Variants in ABLIM3 observed in about 807,000 individuals in gnomAD.
ABLIM3 encodes the protein actin-binding LIM protein 3.
A neutral mutation model predicts 109.5 loss-of-function variants in ABLIM3; 61 were observed. The ratio of observed to expected loss-of-function variants is 0.56; its 90% confidence interval spans 0.45 to 0.69. ABLIM3 has a LOEUF of 0.69. ABLIM3 is among the 30% of genes least tolerant of loss of function. The probability of loss-of-function intolerance (pLI) is 0.00; values close to 1 mark genes in which losing one functional copy is unlikely to be tolerated. For missense variants in ABLIM3, 796 were observed against 889.5 expected, an observed-to-expected ratio of 0.89 and a Z score of 1.34; for synonymous variants, 300 against 324.8, an observed-to-expected ratio of 0.92 and a Z score of 0.82.
intron 2 of ABLIM3, among the ~76,000 whole-genome samples, chr5:149,175,106 A>G (rs1169713449): frequency 6.6e-6 from 1 of 152,252 alleles, no homozygotes; most frequent in Non-Finnish European, 1.5e-5. Context: ...AGTGGAAAAA[A>G]TGCCCAGACT....
intron 2 of ABLIM3, among the ~76,000 whole-genome samples, chr5:149,167,881 G>A (rs1190108193): frequency 6.6e-6 from 1 of 152,220 alleles, no homozygotes; most frequent in Non-Finnish European, 1.5e-5. Context: ...AAGGGCCTTT[G>A]ACCTGAGATC....
chr5:149,183,698 T>C, intron 3 of ABLIM3, 109 bp downstream of exon 3: 8 of 1,245,864 alleles, frequency 6.4e-6, no homozygotes, highest in Non-Finnish European at 8.4e-6. Context: ...GGAATATCTA[T>C]AAAGACCTAA....
chr5:149,198,286 C>T lies in ABLIM3; in HGVS notation c.219C>T (p.Asp73=). ...ACCAGGAGTACATCTGCACCCAGGA[C>T]TACCAGCAACTCTATGGCACCCGCT... ...FKNQEYICTQ[D]YQQLYGTRCD... is the part of the protein sequence containing the mutation. The change falls in exon 4 of 24, where the codon GAC becomes GAT. Residue 73 remains aspartate (D), a synonymous_variant. Transcript: ENST00000309868. This position sits in a 1 kb window ranked among gnomAD's most constrained non-coding sequence, Gnocchi z 4.2. 2 of 1,614,242 alleles carry T rather than the reference C, an allele frequency of 1.2e-6. No homozygotes were observed. Among genetic ancestry groups the T allele is most frequent in the South Asian group, 1.1e-5 (1 of 91,086 alleles).
chr5:149,248,005 T>C (rs1753557192), intron 18 of ABLIM3, 76 bp downstream of exon 18: 1 of 1,530,408 alleles, frequency 6.5e-7, no homozygotes, highest in Non-Finnish European at 8.8e-7. Flanking sequence ...AGCTGTTTGC[T>C]CTGAGCCAGG....
At chr5:149,151,371 C>T (rs1235125439) in intron 2 of ABLIM3, among the ~76,000 whole-genome samples, 1 of 152,178 alleles carries the variant, frequency 6.6e-6, no homozygotes, top group Non-Finnish European at 1.5e-5. Flanking sequence ...TTCTGAGGTA[C>T]TGAGGGGTAG....
At chr5:149,229,192 G>A (rs1761600678) in intron 8 of ABLIM3, among the ~76,000 whole-genome samples, 1 of 152,210 alleles carries the variant, frequency 6.6e-6, no homozygotes, top group Admixed American at 6.5e-5. Context: ...GACACACCCT[G>A]TGATTGCTGG....
At chr5:149,255,774 T>C (rs183646629) in intron 23 of ABLIM3, among the ~76,000 whole-genome samples, 50 of 152,208 alleles carry the variant, frequency 3.3e-4, no homozygotes, top group East Asian at 2.3e-3. Flanking sequence ...GAGGAGAAGA[T>C]GAAGTCCAAG....
intron 3 of ABLIM3, among the ~76,000 whole-genome samples, chr5:149,184,876 A>C (rs1243170608): frequency 2.0e-5 from 3 of 152,196 alleles, no homozygotes; most frequent in Non-Finnish European, 4.4e-5. Context: ...AATTACATAT[A>C]CATATTTCCT....
rs939973890 is a variant in ABLIM3, at chr5:149,250,485, C to G, written c.1768C>G (p.Arg590Gly). 1.4e-5 allele frequency: 22 copies of G among 1,614,056 alleles called. No individual in the cohort carries two copies. The highest frequency in any genetic ancestry group is 1.9e-5 in the Non-Finnish European group (22 of 1,180,042). The part of the protein sequence containing the change: ...ISKSASLPAY[R>G]RNGLHRTPSA... ...CAAATCTGCCTCCCTGCCTGCCTAC[C>G]GAAGAAATGGGCTGCACAGGGTAAG... Residue 590 changes from arginine to glycine, a missense_variant, in exon 20 of 24, where the codon CGA becomes GGA. By Grantham distance (125) the Arg-to-Gly change is moderately radical. Transcript: ENST00000309868.
intron 8 of ABLIM3, chr5:149,217,797 A>G (rs183434870): frequency 6.6e-6 from 1 of 152,364 alleles, no homozygotes; most frequent in African/African-American, 2.4e-5. Context: ...AGCCTTGAAC[A>G]TACCCGACAC....
chr5:149,236,720 G>C (rs1318804587), intron 10 of ABLIM3, among the ~76,000 whole-genome samples: 1 of 152,176 alleles, frequency 6.6e-6, no homozygotes. Context: ...CCCATCCCGA[G>C]AAGACAGGAG....
At chr5:149,255,322 G>A (rs1030087503) in intron 23 of ABLIM3, among the ~76,000 whole-genome samples, 1 of 152,210 alleles carries the variant, frequency 6.6e-6, no homozygotes, top group African/African-American at 2.4e-5. Flanking sequence ...GGTACGGTTC[G>A]AGGTGCTTGC....
intron 7 of ABLIM3, chr5:149,216,734 T>G (rs1451175611): frequency 1.9e-6 from 1 of 531,622 alleles, no homozygotes; most frequent in African/African-American, 1.9e-5. Context: ...GAGCAGGTAT[T>G]CAGGGAAGTC....
intron 3 of ABLIM3, among the ~76,000 whole-genome samples, chr5:149,195,376 T>C (rs1378575446): frequency 6.6e-6 from 1 of 152,258 alleles, no homozygotes; most frequent in Non-Finnish European, 1.5e-5. Flanking sequence ...AATATTGCGT[T>C]TCACTCAGCC....
At chr5:149,181,801 T>C (rs1027628972) in intron 2 of ABLIM3, among the ~76,000 whole-genome samples, 2 of 152,184 alleles carry the variant, frequency 1.3e-5, no homozygotes, top group Admixed American at 1.3e-4. Context: ...AGATCCGAGG[T>C]TATGCTACAG....
chr5:149,213,787 G>T (rs950650931), intron 7 of ABLIM3, among the ~76,000 whole-genome samples: 9 of 151,690 alleles, frequency 5.9e-5, no homozygotes, highest in South Asian at 2.1e-4. Flanking sequence ...TTTCTACAAG[G>T]CTCCATTAGC....
chr5:149,157,597 C>G (rs1753968116), intron 2 of ABLIM3, among the ~76,000 whole-genome samples: 2 of 143,908 alleles, frequency 1.4e-5, no homozygotes, highest in African/African-American at 5.2e-5. Context: ...AGGATTTGCT[C>G]ATCAGTGGAA....
At chr5:149,224,511 G>A (rs962852345) in intron 8 of ABLIM3, among the ~76,000 whole-genome samples, 3 of 152,140 alleles carry the variant, frequency 2.0e-5, no homozygotes, top group East Asian at 1.9e-4. Flanking sequence ...AGGAGGGTGC[G>A]CTGGCAACCA....
chr5:149,237,428 T>C lies in ABLIM3; in HGVS notation c.889-20T>C. 1 of 1,612,718 alleles carries C rather than the reference T, an allele frequency of 6.2e-7. No individual in the cohort carries two copies. The highest frequency in any genetic ancestry group is 8.5e-7 in the Non-Finnish European group (1 of 1,179,256). Reference sequence around the variant, plus strand: ...CTCTTATCTTTCTATTCCTTTCCTGTCCATTTCCCTCTTCCCTAGGCTAAA... The same window carrying C: ...CTCTTATCTTTCTATTCCTTTCCTGCCCATTTCCCTCTTCCCTAGGCTAAA... On this transcript the variant is annotated intron_variant, in intron 10 of 23. Coordinates refer to ENST00000309868, the MANE Select transcript of ABLIM3 (RefSeq NM_014945.5).
Sources: gnomAD v4.1 joint callset for allele counts (sites outside exome capture counted in the v4.1 genomes callset) on GRCh38, gnomAD v4.1.1 for gene constraint, Gnocchi (gnomAD v3.1) non-coding constraint, MANE v1.5 for transcripts, NCBI Gene and HGNC (gene_info 2026-07-23, HGNC 2026-07-21) for gene names.